Variants in FNIP2 observed in about 807,000 individuals in gnomAD.
FNIP2 encodes the protein folliculin interacting protein 2.
In FNIP2, 32 loss-of-function variants were observed where a neutral mutation model predicts 108.7. That is an observed-to-expected ratio of 0.29 (90% confidence interval 0.22 to 0.40). The LOEUF (loss-of-function observed/expected upper bound fraction) is 0.40. Among genes scored for constraint, FNIP2 ranks in the 10% least tolerant of loss-of-function variants. The pLI is 1.00. For missense variants in FNIP2, 1,202 were observed against 1,381.6 expected (o/e 0.87, Z 2.06); for synonymous variants, 480 against 496.7 (o/e 0.97, Z 0.45).
intron 1 of FNIP2, among the ~76,000 whole-genome samples, chr4:158,775,161 G>C (rs770864304): frequency 3.9e-5 from 6 of 152,188 alleles, no homozygotes; most frequent in Admixed American, 6.5e-5. Context: ...AACTCCTGGT[G>C]TGTGAATCTG....
chr4:158,833,106 C>A (rs557651648), intron 5 of FNIP2, among the ~76,000 whole-genome samples: 1 of 152,134 alleles, frequency 6.6e-6, no homozygotes, highest in African/African-American at 2.4e-5. Flanking sequence ...TTGATGTTAA[C>A]CAAGAGTAAA....
At chr4:158,801,761 T>A (rs550524252) in intron 1 of FNIP2, among the ~76,000 whole-genome samples, 1 of 152,336 alleles carries the variant, frequency 6.6e-6, no homozygotes, top group East Asian at 1.9e-4. Flanking sequence ...ACACATTTCC[T>A]TAGCGCTGAG....
Position 158,859,732 on chromosome 4 carries a change from C to T in FNIP2, c.1148+66C>T, listed in dbSNP as rs1578927378. On this transcript the variant is annotated intron_variant, in intron 10 of 16. Transcript: ENST00000264433. ...ATGAGCAGCCATGGATAAAGATAAA[C>T]TGTGACTTGGAAGAATTGGGGGCCT... The T allele has an allele frequency of 1.4e-5, 19 of 1,344,210 alleles. No individual in the cohort carries two copies. In the Middle Eastern group the frequency reaches 2.5e-3, roughly 179 times the overall value. 83.3% of individuals were successfully genotyped at this position (1,344,210 alleles called of 1,614,324 possible).
intron 1 of FNIP2, among the ~76,000 whole-genome samples, chr4:158,820,572 C>T (rs1204985139): frequency 1.3e-5 from 2 of 152,192 alleles, no homozygotes; most frequent in East Asian, 3.8e-4. Flanking sequence ...TTGGAATTGG[C>T]ACACCACAGC....
intron 6 of FNIP2, 49 bp downstream of exon 6, chr4:158,833,677 T>G (rs1226847144): frequency 5.3e-6 from 8 of 1,510,328 alleles, no homozygotes; most frequent in Non-Finnish European, 7.4e-6. Context: ...TACACTATTG[T>G]GGGTGTGTGT....
chr4:158,792,372 CT>C lies in FNIP2; in HGVS notation c.107+23069del, dbSNP rs879390673. Reference sequence around the variant, plus strand: ...TGTCCTTTTCACAGTGAATTTAGTGCTTTTTTTTTTTTTTTTGCTGCTTCTT... The same window carrying C: ...TGTCCTTTTCACAGTGAATTTAGTGCTTTTTTTTTTTTTTTGCTGCTTCTT... On this transcript the variant is annotated intron_variant, in intron 1 of 16. Coordinates refer to ENST00000264433, the MANE Select transcript of FNIP2 (RefSeq NM_020840.3). Among the ~76,000 whole-genome samples, 729 of 134,006 alleles carry C rather than the reference CT, an allele frequency of 5.4e-3. 1 individual carries two copies. Among genetic ancestry groups the C allele is most frequent in the Middle Eastern group, 7.8e-3 (2 of 258 alleles). The allele number at this position is 134,006 out of a possible 152,430, so 87.9% of individuals were successfully genotyped here. A position where few individuals can be genotyped will look rare whatever the true frequency, so the allele number is the denominator to read the frequency against.
chr4:158,882,521 GGCCA>G (rs1781734084), intron 14 of FNIP2, among the ~76,000 whole-genome samples: 1 of 152,262 alleles, frequency 6.6e-6, no homozygotes, highest in Non-Finnish European at 1.5e-5. Flanking sequence ...ATTGAGAACG[GGCCA>G]TGATGACGAT....
intron 14 of FNIP2, among the ~76,000 whole-genome samples, chr4:158,880,083 G>T (rs759409449): frequency 3.3e-5 from 5 of 150,006 alleles, no homozygotes; most frequent in Non-Finnish European, 5.9e-5. Context: ...CCCAGCCATC[G>T]CATTACTGGG....
chr4:158,833,820 C>T (rs1256892872), intron 6 of FNIP2, 192 bp downstream of exon 6: 3 of 1,514,578 alleles, frequency 2.0e-6, no homozygotes, highest in Non-Finnish European at 1.8e-6. Context: ...AAGCATGCAG[C>T]AGCAAACTGC....
rs1360032589 is a variant in FNIP2 at position 158,907,060 on chromosome 4, C to G, written c.*2516C>G. ...TGAGTGTAACTTTTGTAGCATCTTG[C>G]TTTTCCAAGCAAGCTAGTGAGGCAT... On this transcript the variant is annotated 3_prime_UTR_variant, in exon 17 of 17. Coordinates refer to ENST00000264433, the MANE Select transcript of FNIP2 (RefSeq NM_020840.3). 6.6e-6 allele frequency: 1 copy of G among 152,170 alleles called. No homozygotes were observed. The highest frequency in any genetic ancestry group is 2.4e-5 in the African/African-American group (1 of 41,438). The allele number at this position is 152,170 out of a possible 1,614,324, so 9.4% of individuals were successfully genotyped here. A position where few individuals can be genotyped will look rare whatever the true frequency, so the allele number is the denominator to read the frequency against.
intron 15 of FNIP2, among the ~76,000 whole-genome samples, chr4:158,894,499 C>T (rs1165034355): frequency 6.6e-6 from 1 of 152,128 alleles, no homozygotes; most frequent in African/African-American, 2.4e-5. Context: ...TTTGATTTCA[C>T]GTCTAGTATA....
chr4:158,858,994 C>CA, intron 8 of FNIP2, 63 bp from the exon 9 acceptor site: 3 of 1,362,516 alleles, frequency 2.2e-6, no homozygotes, highest in Non-Finnish European at 3.1e-6. Context: ...CCAGTCATTA[C>CA]AGTTGACCTT....
chr4:158,897,390 A>AG (rs1165728365), intron 16 of FNIP2, among the ~76,000 whole-genome samples: 1 of 152,162 alleles, frequency 6.6e-6, no homozygotes, highest in African/African-American at 2.4e-5. Context: ...TGGTATTTCT[A>AG]GTTCTAGATC....
intron 2 of FNIP2, among the ~76,000 whole-genome samples, chr4:158,828,169 TTG>T (rs910948455): frequency 5.3e-5 from 8 of 152,188 alleles, no homozygotes; most frequent in African/African-American, 1.9e-4. Context: ...GCATCCTCTG[TTG>T]TCTTTAACCT....
intron 15 of FNIP2, among the ~76,000 whole-genome samples, chr4:158,894,998 C>T (rs1421093089): frequency 6.6e-6 from 1 of 152,146 alleles, no homozygotes; most frequent in African/African-American, 2.4e-5. Flanking sequence ...TTACCCTTGC[C>T]AAAGCCATCA....
intron 14 of FNIP2, among the ~76,000 whole-genome samples, chr4:158,887,759 C>T (rs985608842): frequency 3.6e-5 from 3 of 83,808 alleles, no homozygotes; most frequent in African/African-American, 1.2e-4. Flanking sequence ...AAAAAAAAAC[C>T]CAAGAGGAAT....
intron 1 of FNIP2, among the ~76,000 whole-genome samples, chr4:158,781,595 A>G (rs1180701743): frequency 1.4e-4 from 22 of 151,862 alleles, no homozygotes; most frequent in Admixed American, 1.4e-3. Flanking sequence ...GCTCACAGCA[A>G]CCCCCGCCTC....
At chr4:158,860,246 T>A (rs902608624) in intron 10 of FNIP2, among the ~76,000 whole-genome samples, 1 of 152,070 alleles carries the variant, frequency 6.6e-6, no homozygotes, top group Non-Finnish European at 1.5e-5. Flanking sequence ...ACTTTCTTGA[T>A]AGGGAATGGA....
chr4:158,872,202 G>C, intron 14 of FNIP2: 1 of 985,336 alleles, frequency 1.0e-6, no homozygotes, highest in Non-Finnish European at 1.2e-6. Context: ...TTTACTCACT[G>C]ACCACTCTGG....
Sources: gnomAD v4.1 joint callset for allele counts (sites outside exome capture counted in the v4.1 genomes callset) on GRCh38, gnomAD v4.1.1 for gene constraint, MANE v1.5 for transcripts, NCBI Gene and HGNC (gene_info 2026-07-23, HGNC 2026-07-21) for gene names.